PDS5B: variants seen among roughly 807,000 people sequenced by gnomAD.
PDS5B encodes the protein sister chromatid cohesion protein PDS5 homolog B.
PDS5B carries 51 observed loss-of-function variants against 184.1 expected under a neutral mutation model. The ratio of observed to expected loss-of-function variants is 0.28; its 90% CI spans 0.22 to 0.35. The LOEUF (loss-of-function observed/expected upper bound fraction) is 0.35, where lower values mean the gene tolerates loss of function less well. Among genes scored for constraint, PDS5B ranks in the 10% least tolerant of loss-of-function variants. The pLI is 1.00. For synonymous variants in PDS5B, 566 were observed against 569.2 expected (o/e 0.99, Z 0.08); for missense variants, 1,180 against 1,723.3 (o/e 0.68, Z 5.58).
At chr13:32,716,573 G>T (rs1033053494) in intron 19 of PDS5B, among the ~76,000 whole-genome samples, 5 of 151,324 alleles carry the variant, frequency 3.3e-5, no homozygotes, top group African/African-American at 1.2e-4. Context: ...GGGAGGTGGG[G>T]GTCAGCCCCC....
chr13:32,598,023 A>G (rs1003952318), intron 1 of PDS5B, among the ~76,000 whole-genome samples: 4 of 152,072 alleles, frequency 2.6e-5, no homozygotes, highest in Admixed American at 2.0e-4. Flanking sequence ...TAAAAAAAAG[A>G]AAATCAGACG....
chr13:32,637,910 T>G (rs9595976), intron 1 of PDS5B, among the ~76,000 whole-genome samples: 46,681 of 152,092 alleles, frequency 0.31, 8,652 homozygotes, highest in Non-Finnish European at 0.42. Flanking sequence ...AAGACTGACT[T>G]ACTGAAAACA....
At chr13:32,733,922 G>A (rs1953214992) in intron 20 of PDS5B, among the ~76,000 whole-genome samples, 1 of 149,114 alleles carries the variant, frequency 6.7e-6, no homozygotes, top group African/African-American at 2.5e-5. Flanking sequence ...CGCATATTTT[G>A]TTTCCCTCTC....
Position 32,709,999 on chromosome 13 carries a change from A to C in PDS5B, c.2016A>C (p.Ser672=). Residue 672 remains serine, a synonymous_variant, in exon 19 of 35, where the codon TCA becomes TCC. Transcript: ENST00000315596. ...ISFHSAETFE[S]LLACLKMDDE... ...TTCATTCTGCTGAAACATTTGAATC[A>C]TTACTGGCTTGTCTGAAAATGGATG... The C allele has an allele frequency of 6.6e-7, 1 of 1,522,486 alleles. No individual in the cohort carries two copies. Among genetic ancestry groups the C allele is most frequent in the East Asian group, 2.3e-5 (1 of 43,242 alleles). 94.3% of individuals were successfully genotyped at this position (1,522,486 alleles called of 1,614,324 possible). A position where few individuals can be genotyped will look rare whatever the true frequency, so the allele number is the denominator to read the frequency against.
chr13:32,676,291 A>G (rs914776635), intron 9 of PDS5B, among the ~76,000 whole-genome samples: 9 of 152,186 alleles, frequency 5.9e-5, no homozygotes, highest in African/African-American at 1.4e-4. Flanking sequence ...ATTAATTACA[A>G]TTAATTAGGT....
intron 7 of PDS5B, among the ~76,000 whole-genome samples, 159 bp from the exon 8 acceptor site, chr13:32,673,057 G>A (rs527634224): frequency 1.2e-4 from 19 of 152,240 alleles, no homozygotes; most frequent in Non-Finnish European, 2.6e-4. Flanking sequence ...TATCTTTCAT[G>A]TAGCCTATAT....
intron 19 of PDS5B, among the ~76,000 whole-genome samples, chr13:32,723,776 G>A (rs953411889): frequency 6.6e-6 from 1 of 152,152 alleles, no homozygotes. Context: ...AGTTACTGAA[G>A]TAACCACAGA....
At chr13:32,768,017 A>C (rs563664207) in intron 31 of PDS5B, among the ~76,000 whole-genome samples, 16 of 152,378 alleles carry the variant, frequency 1.1e-4, no homozygotes, top group Non-Finnish European at 2.1e-4. Context: ...AAATGGTTGG[A>C]TGTGTCTTTG....
intron 26 of PDS5B, among the ~76,000 whole-genome samples, chr13:32,756,355 C>G (rs573774126): frequency 6.6e-6 from 1 of 152,282 alleles, no homozygotes; most frequent in Non-Finnish European, 1.5e-5. Context: ...CTATCTTCCT[C>G]TGTAGAAGGA....
At chr13:32,618,562 CATCCACTGG>C (rs2058251799) in intron 1 of PDS5B, among the ~76,000 whole-genome samples, 1 of 152,070 alleles carries the variant, frequency 6.6e-6, no homozygotes, top group Non-Finnish European at 1.5e-5. Context: ...ATGTTTTGGG[CATCCACTGG>C]TGGTCCTGGA....
In PDS5B at chr13:32,696,438, C is replaced by T. The variant is rs375977456; in HGVS notation, c.1552-416C>T. 3.4e-4 allele frequency among the ~76,000 whole-genome samples: 51 copies of T among 152,120 alleles called. No homozygotes were observed. In the South Asian group the frequency reaches 0.01, roughly 31 times the overall value. The stretch of plus-strand genomic sequence containing the variant: ...TCTTAGAAACGTCTTTTTTACGTGT[C>T]AGTCACATCTTAATTGTCTTTCTCC... On this transcript the variant is annotated intron_variant, in intron 14 of 34. Transcript: ENST00000315596.
intron 3 of PDS5B, chr13:32,652,253 G>A (rs1480754099): frequency 3.1e-6 from 1 of 324,930 alleles, no homozygotes; most frequent in African/African-American, 2.2e-5. Context: ...CATTAGCTCT[G>A]TTTCTTTCAT....
chr13:32,748,050 T>C (rs1953824445), intron 24 of PDS5B, among the ~76,000 whole-genome samples: 2 of 152,230 alleles, frequency 1.3e-5, no homozygotes, highest in Non-Finnish European at 1.5e-5. Flanking sequence ...AACTTTAAGA[T>C]TGCTTTGGAA....
chr13:32,596,906 T>TA (rs1462993162), intron 1 of PDS5B, among the ~76,000 whole-genome samples: 1 of 152,172 alleles, frequency 6.6e-6, no homozygotes, highest in East Asian at 1.9e-4. Context: ...ATCAGAGTAT[T>TA]AAGAGTATTT....
chr13:32,754,221 A>C (rs1181204171), intron 25 of PDS5B, among the ~76,000 whole-genome samples: 1 of 152,084 alleles, frequency 6.6e-6, no homozygotes, highest in South Asian at 2.1e-4. Context: ...CTGCTGTATC[A>C]CATTGCTATC....
intron 1 of PDS5B, among the ~76,000 whole-genome samples, chr13:32,624,058 C>G (rs755212515): frequency 6.6e-6 from 1 of 151,998 alleles, no homozygotes; most frequent in Non-Finnish European, 1.5e-5. Context: ...AATTGTTACA[C>G]TTGAAATTTT....
intron 1 of PDS5B, among the ~76,000 whole-genome samples, chr13:32,587,113 C>T (rs979770819): frequency 4.7e-5 from 7 of 148,526 alleles, no homozygotes; most frequent in African/African-American, 1.7e-4. Flanking sequence ...GCGGGCTTCT[C>T]CCCCTTCCGG....
chr13:32,620,424 G>A (rs1345306999), intron 1 of PDS5B, among the ~76,000 whole-genome samples: 2 of 151,954 alleles, frequency 1.3e-5, no homozygotes, highest in South Asian at 4.1e-4. Flanking sequence ...TTGGGAGGCC[G>A]AGGCGGGCGG....
At chr13:32,633,222 G>A (rs184767048) in intron 1 of PDS5B, among the ~76,000 whole-genome samples, 1 of 152,198 alleles carries the variant, frequency 6.6e-6, no homozygotes, top group East Asian at 1.9e-4. Context: ...TGATGAAAAA[G>A]TTTTGGAAAT....
Sources: gnomAD v4.1 joint callset for allele counts (sites outside exome capture counted in the v4.1 genomes callset) on GRCh38, gnomAD v4.1.1 for gene constraint, MANE v1.5 for transcripts, NCBI Gene and HGNC (gene_info 2026-07-23, HGNC 2026-07-21) for gene names.